The following TAS2R1 variants were observed in gnomAD, a reference collection of about 807,000 sequenced individuals.
TAS2R1 encodes the protein taste 2 receptor member 1.
For synonymous variants in TAS2R1, 141 were observed against 134.2 expected, an observed-to-expected ratio of 1.05 and a Z score of -0.35; for missense variants, 370 against 353.4, an observed-to-expected ratio of 1.05 and a Z score of -0.38.
the TAS2R1 span, among the ~76,000 whole-genome samples, chr5:9,857,446 T>C: frequency 1.3e-5 from 2 of 152,144 alleles, no homozygotes; most frequent in Non-Finnish European, 2.9e-5. Flanking sequence ...ATATGGAGCA[T>C]CAGGAAGAGT....
chr5:9,645,954 C>T lies in TAS2R1; in HGVS notation c.-81+13467G>A, dbSNP rs115997538. Among the ~76,000 whole-genome samples, 314 of 152,164 alleles carry T rather than the reference C, an allele frequency of 2.1e-3. 1 individual carries two copies. The highest frequency in any genetic ancestry group is 6.7e-3 in the African/African-American group (280 of 41,524). On this transcript the variant is annotated intron_variant, in intron 2 of 2. Transcript: ENST00000506620. Reference sequence around the variant, plus strand: ...AGTTGTTACTGAAGTGGGCTTGAGACGGTTTTTTGTCACATTGGGTGTGCT... The same window carrying T: ...AGTTGTTACTGAAGTGGGCTTGAGATGGTTTTTTGTCACATTGGGTGTGCT...
chr5:9,902,230 A>C, the TAS2R1 span, among the ~76,000 whole-genome samples: 2 of 152,072 alleles, frequency 1.3e-5, no homozygotes, highest in Non-Finnish European at 2.9e-5. Flanking sequence ...CTTATTCATA[A>C]GTTTATAATT....
At chr5:9,845,566 A>G in the TAS2R1 span, among the ~76,000 whole-genome samples, 1 of 152,204 alleles carries the variant, frequency 6.6e-6, no homozygotes, top group South Asian at 2.1e-4. Context: ...GGTGCCAAGT[A>G]TGGTGCATTA....
At chr5:9,778,561 T>G in the TAS2R1 span, among the ~76,000 whole-genome samples, 2 of 152,260 alleles carry the variant, frequency 1.3e-5, no homozygotes, top group African/African-American at 2.4e-5. Context: ...ATCGATTATT[T>G]AGTTCAGTGA....
the TAS2R1 span, among the ~76,000 whole-genome samples, chr5:9,879,702 G>A: frequency 6.6e-6 from 1 of 152,180 alleles, no homozygotes; most frequent in African/African-American, 2.4e-5. Flanking sequence ...CTGACCCATA[G>A]AGATGTGATG....
intron 1 of TAS2R1, among the ~76,000 whole-genome samples, chr5:9,679,699 A>G (rs1579780701): frequency 6.6e-6 from 1 of 152,364 alleles, no homozygotes; most frequent in East Asian, 1.9e-4. Flanking sequence ...GGAGGAGGCT[A>G]GAATGATATA....
chr5:9,712,870 A>C (rs1256576477), upstream of TAS2R1, among the ~76,000 whole-genome samples: 1 of 151,944 alleles, frequency 6.6e-6, no homozygotes, highest in Non-Finnish European at 1.5e-5. Context: ...ACAAGTGGGA[A>C]AGACAGATCT....
At chr5:9,683,812 CAT>C (rs1421403924) in intron 1 of TAS2R1, among the ~76,000 whole-genome samples, 3 of 152,214 alleles carry the variant, frequency 2.0e-5, no homozygotes, top group African/African-American at 7.2e-5. Context: ...CAACCCAAAA[CAT>C]AGCTGTGTGT....
chr5:9,647,153 A>T (rs759803662), intron 2 of TAS2R1, among the ~76,000 whole-genome samples: 3 of 152,118 alleles, frequency 2.0e-5, no homozygotes, highest in Non-Finnish European at 4.4e-5. Context: ...ACAGAACCAC[A>T]TCAAATCAGA....
At chr5:9,817,882 AGAGGGG>A in the TAS2R1 span, among the ~76,000 whole-genome samples, 5 of 146,354 alleles carry the variant, frequency 3.4e-5, no homozygotes, top group African/African-American at 1.3e-4. Flanking sequence ...AGGGAGAGGG[AGAGGGG>A]GAGGGGGAGG....
intron 1 of TAS2R1, among the ~76,000 whole-genome samples, chr5:9,687,033 C>T (rs1741138714): frequency 6.6e-6 from 1 of 152,068 alleles, no homozygotes; most frequent in African/African-American, 2.4e-5. Context: ...GGCACAATCT[C>T]GGCTCACTGC....
At chr5:9,682,786 C>A (rs1171477211) in intron 1 of TAS2R1, among the ~76,000 whole-genome samples, 1 of 152,254 alleles carries the variant, frequency 6.6e-6, no homozygotes, top group Non-Finnish European at 1.5e-5. Context: ...GTTTAAAATG[C>A]CTCATTCAGC....
At chr5:9,747,734 G>C in the TAS2R1 span, among the ~76,000 whole-genome samples, 1 of 151,130 alleles carries the variant, frequency 6.6e-6, no homozygotes. Context: ...GGAGAAAGTA[G>C]GAAAAACAAG....
intron 1 of TAS2R1, among the ~76,000 whole-genome samples, chr5:9,667,729 A>C (rs544646997): frequency 6.6e-6 from 1 of 152,312 alleles, no homozygotes; most frequent in South Asian, 2.1e-4. Flanking sequence ...TTATATCACA[A>C]AGAAACCCCC....
At chr5:9,709,994 G>A (rs923175766) in intron 1 of TAS2R1, among the ~76,000 whole-genome samples, 10 of 152,254 alleles carry the variant, frequency 6.6e-5, no homozygotes, top group African/African-American at 1.7e-4. Flanking sequence ...GGCATTGCCA[G>A]TAGGTGAGTT....
chr5:9,661,491 T>G (rs1561372144), intron 1 of TAS2R1, among the ~76,000 whole-genome samples: 2 of 152,220 alleles, frequency 1.3e-5, no homozygotes, highest in Non-Finnish European at 2.9e-5. Flanking sequence ...TATTCTGGAA[T>G]GCCTCAGGAT....
intron 1 of TAS2R1, among the ~76,000 whole-genome samples, chr5:9,692,230 G>A (rs1404510260): frequency 2.0e-5 from 3 of 152,196 alleles, no homozygotes; most frequent in African/African-American, 7.2e-5. Flanking sequence ...AGGATCACCG[G>A]CTAGTAGTTC....
At chr5:9,873,767 G>A in the TAS2R1 span, among the ~76,000 whole-genome samples, 2 of 151,754 alleles carry the variant, frequency 1.3e-5, no homozygotes, top group Non-Finnish European at 2.9e-5. Context: ...TACTCAGGAA[G>A]CTGAGGCAGG....
At chr5:9,758,397 A>G in the TAS2R1 span, among the ~76,000 whole-genome samples, 1 of 152,210 alleles carries the variant, frequency 6.6e-6, no homozygotes, top group African/African-American at 2.4e-5. Flanking sequence ...CCCCAGGTCA[A>G]AATAAACATA....
Sources: allele counts gnomAD v4.1 joint callset (sites outside exome capture counted in the v4.1 genomes callset), GRCh38; gene constraint gnomAD v4.1.1; transcripts MANE v1.5; gene names NCBI Gene and HGNC (gene_info 2026-07-23, HGNC 2026-07-21).